Variants in CDK19 observed in about 807,000 individuals in gnomAD.
The protein encoded by CDK19 is cyclin-dependent kinase 19.
A neutral mutation model predicts 68.3 loss-of-function variants in CDK19; 20 were observed. That is an observed-to-expected ratio of 0.29 (90% confidence interval 0.21 to 0.43). CDK19 has a LOEUF of 0.43. Ranked by LOEUF, CDK19 falls within the 20% of genes least tolerant of loss-of-function variation. The pLI is 1.00. For missense variants in CDK19, 339 were observed against 623.5 expected (o/e 0.54, Z 4.86); for synonymous variants, 221 against 222.8 (o/e 0.99, Z 0.07).
At chr6:110,732,301 G>C (rs893559610) in intron 2 of CDK19, among the ~76,000 whole-genome samples, 1 of 152,014 alleles carries the variant, frequency 6.6e-6, no homozygotes, top group African/African-American at 2.4e-5. Context: ...TTTGAGACTA[G>C]CCTGGCTGTC....
At chr6:110,795,371 C>T (rs1374301359) in intron 1 of CDK19, among the ~76,000 whole-genome samples, 1 of 152,146 alleles carries the variant, frequency 6.6e-6, no homozygotes, top group African/African-American at 2.4e-5. Flanking sequence ...CCATGAACTA[C>T]AGGTCCTAGG....
At chr6:110,814,844 G>C (rs894141344) in intron 1 of CDK19, 165 bp downstream of exon 1, 1 of 876,116 alleles carries the variant, frequency 1.1e-6, no homozygotes, top group Non-Finnish European at 1.8e-6. Flanking sequence ...CGGGGGAGGC[G>C]GGCGGAACGG....
intron 2 of CDK19, among the ~76,000 whole-genome samples, chr6:110,744,446 T>G (rs1342321378): frequency 2.0e-5 from 3 of 152,104 alleles, no homozygotes; most frequent in African/African-American, 7.2e-5. Flanking sequence ...AAGGCAGGAT[T>G]GCTTGAGGCC....
rs1428603274 is a variant in CDK19 at position 110,613,904 on chromosome 6, A to T, written c.*631T>A. On this transcript the variant is annotated 3_prime_UTR_variant, in exon 13 of 13. Coordinates refer to ENST00000368911, the MANE Select transcript of CDK19 (RefSeq NM_015076.5). Reference sequence around the variant, plus strand: ...TGGCATAAAGCACATAACTGCAAAGATCTAGGCAGTTTTTGGTTGTAGGTT... The same window carrying T: ...TGGCATAAAGCACATAACTGCAAAGTTCTAGGCAGTTTTTGGTTGTAGGTT... The T allele has an allele frequency of 2.6e-5, 4 of 152,678 alleles. No individual in the cohort carries two copies. Among genetic ancestry groups the T allele is most frequent in the Non-Finnish European group, 2.9e-5 (2 of 68,040 alleles). The allele number at this position is 152,678 out of a possible 1,614,324, so 9.5% of individuals were successfully genotyped here.
At position 110,612,365 on chromosome 6, in the gene CDK19, A is replaced by G. The variant is rs566794797; in HGVS notation, c.*2170T>C. 7.9e-5 allele frequency: 12 copies of G among 152,784 alleles called. No homozygotes were observed. The highest frequency in any genetic ancestry group is 1.6e-4 in the Non-Finnish European group (11 of 68,034). 9.5% of individuals were successfully genotyped at this position (152,784 alleles called of 1,614,324 possible). On this transcript the variant is annotated 3_prime_UTR_variant, in exon 13 of 13. Transcript: ENST00000368911. ...GGCTTTCTCTAAGGTAGACTGACAT[A>G]GAAACCCTTCCATAATATTATTTAC...
At chr6:110,664,927 G>A (rs985442121) in intron 4 of CDK19, among the ~76,000 whole-genome samples, 2 of 152,164 alleles carry the variant, frequency 1.3e-5, no homozygotes, top group African/African-American at 2.4e-5. Context: ...TAAGATAGGG[G>A]AAATAAAGGC....
chr6:110,761,816 C>T (rs1304774805), intron 1 of CDK19, among the ~76,000 whole-genome samples: 2 of 152,124 alleles, frequency 1.3e-5, no homozygotes, highest in East Asian at 3.8e-4. Context: ...AGCAATGATG[C>T]CTCCTACAAG....
At chr6:110,750,500 T>C (rs946479598) in intron 1 of CDK19, among the ~76,000 whole-genome samples, 4 of 152,188 alleles carry the variant, frequency 2.6e-5, no homozygotes, top group African/African-American at 9.6e-5. Context: ...GAGTCAAAGA[T>C]GAGTCTGAGG....
At chr6:110,730,388 T>G (rs559067681) in intron 2 of CDK19, among the ~76,000 whole-genome samples, 4 of 152,200 alleles carry the variant, frequency 2.6e-5, no homozygotes, top group Admixed American at 6.5e-5. Context: ...CAAAAAGGAA[T>G]TAGAGCTGAA....
chr6:110,662,774 C>T (rs1781696427), intron 4 of CDK19, among the ~76,000 whole-genome samples: 1 of 152,184 alleles, frequency 6.6e-6, no homozygotes, highest in Non-Finnish European at 1.5e-5. Context: ...TAAAATACAT[C>T]TTTTCTCCCT....
At chr6:110,706,198 G>A (rs1287245648) in intron 2 of CDK19, among the ~76,000 whole-genome samples, 6 of 151,110 alleles carry the variant, frequency 4.0e-5, no homozygotes, top group African/African-American at 7.3e-5. Flanking sequence ...GATTACAGGC[G>A]CCCACCACCA....
intron 1 of CDK19, among the ~76,000 whole-genome samples, chr6:110,793,969 G>A (rs561765763): frequency 6.6e-6 from 1 of 152,254 alleles, no homozygotes; most frequent in East Asian, 1.9e-4. Context: ...GTACAATATT[G>A]GTTTTTCTGT....
intron 1 of CDK19, among the ~76,000 whole-genome samples, chr6:110,797,425 T>C (rs1460520484): frequency 6.6e-6 from 1 of 152,234 alleles, no homozygotes; most frequent in African/African-American, 2.4e-5. Flanking sequence ...AGTTTGTGAC[T>C]ACTCTGATCT....
At chr6:110,788,155 T>C (rs1401099432) in intron 1 of CDK19, among the ~76,000 whole-genome samples, 1 of 150,564 alleles carries the variant, frequency 6.6e-6, no homozygotes, top group Non-Finnish European at 1.5e-5. Context: ...TTTGTTTTTT[T>C]GTTGTTGTTG....
At chr6:110,669,749 T>C (rs1461272012) in intron 3 of CDK19, among the ~76,000 whole-genome samples, 1 of 152,258 alleles carries the variant, frequency 6.6e-6, no homozygotes, top group Non-Finnish European at 1.5e-5. Flanking sequence ...TTCTGATTCC[T>C]AATTTGAAAA....
intron 5 of CDK19, 43 bp downstream of exon 5, chr6:110,638,606 A>G (rs771021387): frequency 3.2e-6 from 3 of 948,330 alleles, no homozygotes; most frequent in Admixed American, 1.8e-5. Context: ...CTTTGCAGTT[A>G]ACTTCAGTTT....
At chr6:110,808,156 C>T (rs1182799677) in intron 1 of CDK19, among the ~76,000 whole-genome samples, 3 of 152,134 alleles carry the variant, frequency 2.0e-5, no homozygotes, top group Admixed American at 6.6e-5. Context: ...CTAAGCCACT[C>T]ATCCAAAGAC....
At chr6:110,698,623 C>A (rs1329480952) in intron 2 of CDK19, among the ~76,000 whole-genome samples, 8 of 152,132 alleles carry the variant, frequency 5.3e-5, no homozygotes, top group Admixed American at 6.5e-5. Context: ...AAGCATAGAT[C>A]CACCATTCAA....
intron 2 of CDK19, among the ~76,000 whole-genome samples, chr6:110,720,687 T>C: frequency 6.6e-6 from 1 of 151,864 alleles, no homozygotes; most frequent in Non-Finnish European, 1.5e-5. Flanking sequence ...GCCAACATGG[T>C]GAAACCCTGT....
Sources: allele counts gnomAD v4.1 joint callset (sites outside exome capture counted in the v4.1 genomes callset), GRCh38; gene constraint gnomAD v4.1.1; transcripts MANE v1.5; gene names NCBI Gene and HGNC (gene_info 2026-07-23, HGNC 2026-07-21).